The following UBE2D3 variants were observed in gnomAD, a reference collection of about 807,000 sequenced individuals.
UBE2D3 encodes ubiquitin-conjugating enzyme E2 D3.
A neutral mutation model predicts 22.8 loss-of-function variants in UBE2D3; 2 were observed. That is an observed-to-expected ratio of 0.09 (90% CI 0.04 to 0.28). The LOEUF (loss-of-function observed/expected upper bound fraction) is 0.28, where lower values mean the gene tolerates loss of function less well. Ranked by LOEUF, UBE2D3 falls within the 10% of genes least tolerant of loss-of-function variation. The pLI is 1.00. For synonymous variants in UBE2D3, 56 were observed against 60.4 expected, an observed-to-expected ratio of 0.93 and a Z score of 0.34; for missense variants, 27 against 182.5, an observed-to-expected ratio of 0.15 and a Z score of 4.91.
chr4:102,823,282 G>A (rs1487457055), intron 2 of UBE2D3, among the ~76,000 whole-genome samples: 2 of 152,148 alleles, frequency 1.3e-5, no homozygotes, highest in Admixed American at 6.5e-5. Context: ...AATCCCAACT[G>A]TCACAACATG....
In UBE2D3 at chr4:102,826,768, C is replaced by A; in HGVS notation, c.-128-132G>T. The stretch of plus-strand genomic sequence containing the variant: ...GCAAAGCCACCAACAGCCTCTGTAC[C>A]GTGCTTTCGGCCCGAAGTGGGGGCG... On this transcript the variant is annotated intron_variant, in intron 1 of 7. Transcript: ENST00000453744. 2.3e-6 allele frequency: 3 copies of A among 1,296,528 alleles called. 1 individual carries two copies. Among genetic ancestry groups the A allele is most frequent in the South Asian group, 4.3e-5 (2 of 46,704 alleles). The allele number at this position is 1,296,528 out of a possible 1,614,324, so 80.3% of individuals were successfully genotyped here.
chr4:102,840,494 A>G (rs769940684), intron 1 of UBE2D3, among the ~76,000 whole-genome samples: 9 of 152,340 alleles, frequency 5.9e-5, no homozygotes, highest in Non-Finnish European at 1.3e-4. Flanking sequence ...ATGTTCTCTC[A>G]TTCATGTGGA....
chr4:102,839,793 C>T (rs899123860), intron 1 of UBE2D3, among the ~76,000 whole-genome samples: 2 of 152,056 alleles, frequency 1.3e-5, no homozygotes, highest in East Asian at 3.9e-4. Flanking sequence ...CAAAAATAGC[C>T]AAATTGGACT....
At position 102,794,760 on chromosome 4, in the gene UBE2D3, A is replaced by G. The variant is rs148476452; in HGVS notation, c.*2655T>C. 17 of 152,166 alleles carry G rather than the reference A, an allele frequency of 1.1e-4. No individual in the cohort carries two copies. The highest frequency in any genetic ancestry group is 4.1e-4 in the African/African-American group (17 of 41,550). 9.4% of individuals were successfully genotyped at this position (152,166 alleles called of 1,614,324 possible). On this transcript the variant is annotated 3_prime_UTR_variant, in exon 8 of 8. Transcript: ENST00000453744. ...AAAATGTGAGTACACCCACACAAGA[A>G]AGCAAATTAATCAGTTTTAAAAAAT... is the stretch of plus-strand genomic sequence containing the variant.
At chr4:102,828,568 C>T (rs563686431), upstream of UBE2D3, among the ~76,000 whole-genome samples, 2 of 152,276 alleles carry the variant, frequency 1.3e-5, no homozygotes, top group South Asian at 4.1e-4. Context: ...TCACTGGTCT[C>T]CGTAATCAGT....
At chr4:102,816,782 T>C (rs1023459623) in intron 2 of UBE2D3, among the ~76,000 whole-genome samples, 5 of 152,204 alleles carry the variant, frequency 3.3e-5, no homozygotes, top group Non-Finnish European at 7.3e-5. Flanking sequence ...AAATGTAATG[T>C]TAATTTCACC....
At chr4:102,848,594 G>A (rs746843374) in intron 1 of UBE2D3, among the ~76,000 whole-genome samples, 7 of 151,222 alleles carry the variant, frequency 4.6e-5, no homozygotes, top group South Asian at 2.1e-4. Flanking sequence ...GCAGTGAGCC[G>A]AGATCACACC....
At chr4:102,807,093 T>C (rs1727181799) in intron 4 of UBE2D3, among the ~76,000 whole-genome samples, 1 of 152,198 alleles carries the variant, frequency 6.6e-6, no homozygotes, top group Admixed American at 6.5e-5. Context: ...GTCAGGAATC[T>C]TCAGTTCTGT....
chr4:102,828,635 C>T (rs66859883), upstream of UBE2D3, among the ~76,000 whole-genome samples: 8,377 of 152,290 alleles, frequency 0.055, 329 homozygotes, highest in Middle Eastern at 0.1. Flanking sequence ...CAAACTTTAG[C>T]TTCTGTTGCT....
rs530972658 is a variant in UBE2D3 at position 102,816,377 on chromosome 4, T to C, written c.25-6522A>G. 5.3e-5 allele frequency among the ~76,000 whole-genome samples: 8 copies of C among 152,306 alleles called. No homozygotes were observed. In the South Asian group the frequency reaches 1.7e-3, roughly 32 times the overall value. On this transcript the variant is annotated intron_variant, in intron 2 of 7. Coordinates refer to ENST00000453744, the MANE Select transcript of UBE2D3 (RefSeq NM_181891.3). ...GACAGGCACGTGTCATGGACTTACA[T>C]GGTAAAGTCAAAAGCTAAAGAGACC...
chr4:102,832,800 A>C lies in UBE2D3; in HGVS notation c.-128-6164T>G, dbSNP rs183254444. 5.5e-4 allele frequency among the ~76,000 whole-genome samples: 84 copies of C among 152,176 alleles called. No individual in the cohort carries two copies. The East Asian group carries it at 0.013, about 24-fold the overall frequency. On this transcript the variant is annotated intron_variant, in intron 1 of 7. Transcript: ENST00000338145. ...AAAGCAGGAGGATTGCTTGAGTCCAAGAGTTTGAGATCAGCCTGTGCAACA... is the reference window on the plus strand; with the variant it reads ...AAAGCAGGAGGATTGCTTGAGTCCACGAGTTTGAGATCAGCCTGTGCAACA...
At position 102,813,006 on chromosome 4, in the gene UBE2D3, G is replaced by C. The variant is rs1484007460; in HGVS notation, c.25-3151C>G. 2.0e-5 allele frequency: 3 copies of C among 152,208 alleles called. No individual in the cohort carries two copies. In the East Asian group the frequency reaches 5.8e-4, roughly 29 times the overall value. 9.4% of individuals were successfully genotyped at this position (152,208 alleles called of 1,614,324 possible). On this transcript the variant is annotated intron_variant, in intron 2 of 7. Coordinates refer to ENST00000453744, the MANE Select transcript of UBE2D3 (RefSeq NM_181891.3). ...AGAGATATTAGCAAAACAGCACTGAGAAACAGGGCTAGGAAACTAGAGTAC... is the reference window on the plus strand; with the variant it reads ...AGAGATATTAGCAAAACAGCACTGACAAACAGGGCTAGGAAACTAGAGTAC...
chr4:102,808,648 G>A (rs915153697), intron 4 of UBE2D3, among the ~76,000 whole-genome samples: 6 of 151,964 alleles, frequency 3.9e-5, no homozygotes, highest in Non-Finnish European at 8.8e-5. Context: ...TTTCCATCTT[G>A]TCACACTTCA....
chr4:102,847,179 A>C (rs1021283301), intron 1 of UBE2D3, among the ~76,000 whole-genome samples: 1 of 152,238 alleles, frequency 6.6e-6, no homozygotes, highest in African/African-American at 2.4e-5. Flanking sequence ...GGAAGAATTA[A>C]GCATGTAATT....
chr4:102,824,919 A>G (rs1730218702), intron 2 of UBE2D3, among the ~76,000 whole-genome samples: 1 of 152,260 alleles, frequency 6.6e-6, no homozygotes, highest in African/African-American at 2.4e-5. Context: ...TTTTTACTTT[A>G]ATCCTTAACT....
chr4:102,866,070 T>A (rs1482264803), intron 1 of UBE2D3, among the ~76,000 whole-genome samples: 1 of 152,180 alleles, frequency 6.6e-6, no homozygotes, highest in Non-Finnish European at 1.5e-5. Context: ...CAAATATAAA[T>A]GAAAACAGGA....
chr4:102,819,149 C>T (rs964659975), intron 2 of UBE2D3, among the ~76,000 whole-genome samples: 3 of 151,922 alleles, frequency 2.0e-5, no homozygotes, highest in Non-Finnish European at 2.9e-5. Flanking sequence ...TGGCCAACAT[C>T]GTGAAATCCC....
intron 1 of UBE2D3, among the ~76,000 whole-genome samples, chr4:102,860,845 T>C (rs1366117573): frequency 6.6e-6 from 1 of 151,452 alleles, no homozygotes; most frequent in Non-Finnish European, 1.5e-5. Flanking sequence ...GTGCATGGAG[T>C]GCTGGGTGTG....
intron 2 of UBE2D3, among the ~76,000 whole-genome samples, chr4:102,817,257 C>G (rs923635607): frequency 6.6e-6 from 1 of 152,128 alleles, no homozygotes; most frequent in Non-Finnish European, 1.5e-5. Flanking sequence ...TAAAAGAGCC[C>G]TTGAATTTAG....
Sources: allele counts gnomAD v4.1 joint callset (sites outside exome capture counted in the v4.1 genomes callset), GRCh38; gene constraint gnomAD v4.1.1; transcripts MANE v1.5; gene names NCBI Gene and HGNC (gene_info 2026-07-23, HGNC 2026-07-21).